Variants in TFEC observed in about 807,000 individuals in gnomAD.
TFEC encodes class E basic helix-loop-helix protein 34.
A neutral mutation model predicts 41.6 loss-of-function variants in TFEC; 31 were observed. The observed-to-expected ratio is 0.74, with a 90% CI of 0.56 to 1.01. The LOEUF is 1.01. TFEC is among the 50% of genes least tolerant of loss of function. The probability of loss-of-function intolerance (pLI) is 0.00; values close to 1 mark genes in which losing one functional copy is unlikely to be tolerated. For missense variants in TFEC, 402 were observed against 404.1 expected, an observed-to-expected ratio of 0.99 and a Z score of 0.04; for synonymous variants, 143 against 140.6, an observed-to-expected ratio of 1.02 and a Z score of -0.12.
At chr7:116,035,788 TA>T (rs1017287980), upstream of TFEC, among the ~76,000 whole-genome samples, 1 of 151,924 alleles carries the variant, frequency 6.6e-6, no homozygotes, top group African/African-American at 2.4e-5. Flanking sequence ...TAAACACTTT[TA>T]GGACAAATAT....
At chr7:115,986,491 G>T (rs1793861131) in intron 1 of TFEC, among the ~76,000 whole-genome samples, 1 of 151,886 alleles carries the variant, frequency 6.6e-6, no homozygotes, top group South Asian at 2.1e-4. Flanking sequence ...CAAAGCAAAA[G>T]CTCCATAACA....
intron 1 of TFEC, among the ~76,000 whole-genome samples, chr7:116,005,644 A>C (rs572301765): frequency 2.0e-5 from 3 of 152,346 alleles, no homozygotes; most frequent in African/African-American, 7.2e-5. Context: ...GCAGCCTGAC[A>C]ATGCAATAGA....
chr7:115,967,520 A>C (rs906854882), intron 3 of TFEC, among the ~76,000 whole-genome samples: 2 of 151,804 alleles, frequency 1.3e-5, no homozygotes, highest in African/African-American at 4.8e-5. Context: ...CAAGGTCTTT[A>C]TAGTTTCAGG....
intron 5 of TFEC, 119 bp from the exon 6 acceptor site, chr7:115,951,068 AAAGAT>A: frequency 6.2e-6 from 3 of 482,074 alleles, no homozygotes; most frequent in Non-Finnish European, 1.1e-5. Context: ...CATTTAGTCA[AAAGAT>A]AATACTTCTC....
Position 115,939,091 on chromosome 7 carries a change from C to G in TFEC, c.*1460G>C, listed in dbSNP as rs1027454405. 2 of 151,932 alleles carry G rather than the reference C, an allele frequency of 1.3e-5. No individual in the cohort carries two copies. Among genetic ancestry groups the G allele is most frequent in the Non-Finnish European group, 2.9e-5 (2 of 67,962 alleles). The allele number at this position is 151,932 out of a possible 1,614,324, so 9.4% of individuals were successfully genotyped here. On this transcript the variant is annotated 3_prime_UTR_variant, in exon 8 of 8. Coordinates refer to ENST00000265440, the MANE Select transcript of TFEC (RefSeq NM_012252.4). ...GTCAGTCATTTTCATTTTCTCTGAC[C>G]TTCTGTATTTACAGTTTATGCTTAG...
intron 1 of TFEC, among the ~76,000 whole-genome samples, chr7:116,134,423 T>A (rs1488242266): frequency 6.6e-6 from 1 of 152,158 alleles, no homozygotes; most frequent in Non-Finnish European, 1.5e-5. Context: ...ACAAATTGAA[T>A]CACCTCTTAC....
intron 1 of TFEC, among the ~76,000 whole-genome samples, chr7:115,986,640 T>C (rs1013209493): frequency 1.3e-5 from 2 of 151,604 alleles, no homozygotes; most frequent in Admixed American, 6.6e-5. Flanking sequence ...CAGCAAACTA[T>C]TGCAAGGACA....
At chr7:115,946,126 T>A (rs1479846729) in intron 6 of TFEC, among the ~76,000 whole-genome samples, 1 of 151,606 alleles carries the variant, frequency 6.6e-6, no homozygotes, top group Non-Finnish European at 1.5e-5. Context: ...CCTTATTTGA[T>A]TTTATTTTTA....
chr7:116,018,879 T>G (rs1485155371), intron 1 of TFEC, among the ~76,000 whole-genome samples: 2 of 152,168 alleles, frequency 1.3e-5, no homozygotes, highest in African/African-American at 4.8e-5. Context: ...TGCAAGTTGT[T>G]GTGGGACTAT....
upstream of TFEC, among the ~76,000 whole-genome samples, chr7:116,035,012 C>T (rs996428431): frequency 3.0e-4 from 46 of 151,628 alleles, no homozygotes; most frequent in Non-Finnish European, 2.9e-5. Context: ...CCATAGACCC[C>T]ATGACCTACC....
At chr7:116,032,263 T>G (rs2130895684), upstream of TFEC, among the ~76,000 whole-genome samples, 1 of 152,178 alleles carries the variant, frequency 6.6e-6, no homozygotes, top group African/African-American at 2.4e-5. Flanking sequence ...TTCTATATTT[T>G]ATATAAAGTG....
rs113557266 is a variant in TFEC at position 116,157,627 on chromosome 7, A to C, written c.-69+2163T>G. ...ATAATATGTTGAGTGTGGGGCTAGG[A>C]AGTGACTAGGAGACGAACAGATGCA... On this transcript the variant is annotated intron_variant, in intron 1 of 8. Coordinates refer to the TFEC transcript ENST00000484212. Among the ~76,000 whole-genome samples, 59 of 152,244 alleles carry C rather than the reference A, an allele frequency of 3.9e-4. 3 individuals carry two copies. Among genetic ancestry groups the C allele is most frequent in the African/African-American group, 1.3e-3 (56 of 41,548 alleles).
chr7:116,094,713 A>G (rs1797410706), intron 3 of TFEC, among the ~76,000 whole-genome samples: 1 of 152,142 alleles, frequency 6.6e-6, no homozygotes, highest in Non-Finnish European at 1.5e-5. Context: ...ACAAACAAAC[A>G]AAAAACAACA....
At chr7:116,155,924 T>G (rs921960545) in intron 1 of TFEC, among the ~76,000 whole-genome samples, 1 of 152,204 alleles carries the variant, frequency 6.6e-6, no homozygotes, top group African/African-American at 2.4e-5. Flanking sequence ...TACTGATCCT[T>G]TGATACTTTA....
At chr7:116,102,124 C>T (rs1377047508) in intron 3 of TFEC, among the ~76,000 whole-genome samples, 1 of 152,002 alleles carries the variant, frequency 6.6e-6, no homozygotes, top group African/African-American at 2.4e-5. Context: ...GAAAATATAA[C>T]CTCAAATTTT....
intron 1 of TFEC, among the ~76,000 whole-genome samples, chr7:116,115,270 A>G (rs997710809): frequency 1.5e-4 from 23 of 151,976 alleles, no homozygotes; most frequent in Non-Finnish European, 3.1e-4. Context: ...GGCTGCTTTT[A>G]AAAAAATTTA....
intron 1 of TFEC, among the ~76,000 whole-genome samples, chr7:116,140,565 G>A (rs1272814614): frequency 2.0e-5 from 3 of 152,054 alleles, no homozygotes; most frequent in Non-Finnish European, 4.4e-5. Flanking sequence ...TAACAAAACA[G>A]ATATGTGTAT....
intron 1 of TFEC, among the ~76,000 whole-genome samples, chr7:116,011,817 CA>C (rs942233031): frequency 2.0e-5 from 3 of 152,112 alleles, no homozygotes; most frequent in African/African-American, 7.2e-5. Flanking sequence ...CACTTCACAA[CA>C]GAGCTAGTTG....
intron 3 of TFEC, among the ~76,000 whole-genome samples, chr7:115,973,865 G>A (rs544362258): frequency 6.6e-6 from 1 of 152,038 alleles, no homozygotes; most frequent in East Asian, 1.9e-4. Flanking sequence ...TACTTGCTGT[G>A]CTTAAAATAG....
Sources: gnomAD v4.1 joint callset for allele counts (sites outside exome capture counted in the v4.1 genomes callset) on GRCh38, gnomAD v4.1.1 for gene constraint, MANE v1.5 for transcripts, NCBI Gene and HGNC (gene_info 2026-07-23, HGNC 2026-07-21) for gene names.